RND3: variants seen among roughly 807,000 people sequenced by gnomAD.
RND3 encodes Rho family GTPase 3, also known as rho-related GTP-binding protein RhoE.
RND3 carries 8 observed loss-of-function variants against 26.5 expected under a neutral mutation model. The ratio of observed to expected loss-of-function variants is 0.30; its 90% CI spans 0.18 to 0.54. RND3 has a LOEUF of 0.54. RND3 is among the 20% of genes least tolerant of loss of function. The probability of loss-of-function intolerance (pLI) is 0.94; values close to 1 mark genes in which losing one functional copy is unlikely to be tolerated. For missense variants in RND3, 207 were observed against 302.8 expected (o/e 0.68, Z 2.35); for synonymous variants, 113 against 113.0 (o/e 1.00, Z 0.00).
chr2:150,482,710 G>A (rs1686294960), intron 3 of RND3, among the ~76,000 whole-genome samples: 1 of 131,268 alleles, frequency 7.6e-6, no homozygotes, highest in Non-Finnish European at 1.6e-5. Flanking sequence ...TTTAACTGGT[G>A]TGTGCAATGG....
chr2:150,482,509 T>C (rs1218000785), intron 3 of RND3, among the ~76,000 whole-genome samples: 1 of 152,204 alleles, frequency 6.6e-6, no homozygotes, highest in Non-Finnish European at 1.5e-5. Flanking sequence ...GGAGCATTTC[T>C]GCAACTATTA....
In RND3 at chr2:150,469,712, C is replaced by T. The variant is rs1290739112; in HGVS notation, c.*275G>A. 4 of 383,578 alleles carry T rather than the reference C, an allele frequency of 1.0e-5. No individual in the cohort carries two copies. In the East Asian group the frequency reaches 1.3e-4, roughly 12 times the overall value. 23.8% of individuals were successfully genotyped at this position (383,578 alleles called of 1,614,324 possible). ...TTTTTCTTCTTGGAGGTACTCGCAT[C>T]CCCCCTCATCTTCCTCTAGCTCATT... On this transcript the variant is annotated 3_prime_UTR_variant, in exon 6 of 6. Transcript: ENST00000263895.
intron 3 of RND3, among the ~76,000 whole-genome samples, chr2:150,480,246 GA>G (rs1287219895): frequency 3.9e-5 from 6 of 152,154 alleles, no homozygotes; most frequent in Non-Finnish European, 2.9e-5. Context: ...AGAATCCCAT[GA>G]GTGAATTCAT....
chr2:150,471,585 C>T (rs1476525282), intron 5 of RND3, 42 bp downstream of exon 5: 2 of 1,522,564 alleles, frequency 1.3e-6, no homozygotes, highest in East Asian at 2.3e-5. Context: ...ATTTCTTTCA[C>T]TCTTTCTAAA....
At chr2:150,471,260 C>A (rs555146942) in intron 5 of RND3, among the ~76,000 whole-genome samples, 1 of 152,282 alleles carries the variant, frequency 6.6e-6, no homozygotes, top group African/African-American at 2.4e-5. Context: ...GAAATGAAGA[C>A]TCTCTGAAAG....
chr2:150,472,046 G>C, intron 4 of RND3: 1 of 328,780 alleles, frequency 3.0e-6, no homozygotes, highest in Admixed American at 4.6e-5. Flanking sequence ...TTGTCCAAAG[G>C]TAGCTTCAAT....
intron 3 of RND3, among the ~76,000 whole-genome samples, chr2:150,480,945 C>CT (rs1686259595): frequency 2.0e-5 from 3 of 152,276 alleles, no homozygotes; most frequent in Non-Finnish European, 4.4e-5. Context: ...TGCTTGGTTT[C>CT]CTGCAATTTC....
chr2:150,473,426 C>A (rs533881758), intron 4 of RND3, among the ~76,000 whole-genome samples: 1 of 152,252 alleles, frequency 6.6e-6, no homozygotes, highest in African/African-American at 2.4e-5. Context: ...AAATAAGCAA[C>A]CCCTTTTATC....
intron 3 of RND3, among the ~76,000 whole-genome samples, chr2:150,477,960 T>G (rs904896453): frequency 6.6e-6 from 1 of 152,154 alleles, no homozygotes. Context: ...GTAAAACTGA[T>G]TCCCATATTT....
chr2:150,478,870 G>A (rs1000267152), intron 3 of RND3, among the ~76,000 whole-genome samples: 1 of 152,124 alleles, frequency 6.6e-6, no homozygotes, highest in African/African-American at 2.4e-5. Context: ...CATGCATATG[G>A]AAATTCTCAG....
chr2:150,478,982 G>GC (rs1686227459), intron 3 of RND3, among the ~76,000 whole-genome samples: 1 of 152,054 alleles, frequency 6.6e-6, no homozygotes, highest in Non-Finnish European at 1.5e-5. Flanking sequence ...AAAACTTAGG[G>GC]AAACTCTATA....
chr2:150,469,056 C>T lies in RND3; in HGVS notation c.*931G>A, dbSNP rs2105214576. 1 of 152,690 alleles carries T rather than the reference C, an allele frequency of 6.5e-6. No homozygotes were observed. The highest frequency in any genetic ancestry group is 1.5e-5 in the Non-Finnish European group (1 of 68,010). The allele number at this position is 152,690 out of a possible 1,614,324, so 9.5% of individuals were successfully genotyped here. On this transcript the variant is annotated 3_prime_UTR_variant, in exon 6 of 6. Transcript: ENST00000263895. ...CTTTACTCACAAACTGTGCTTTCTG[C>T]TACTATTCTTTCCTTCACTCATTAC...
At chr2:150,471,825 C>T in intron 4 of RND3, 64 bp from the exon 5 acceptor site, 2 of 1,320,028 alleles carry the variant, frequency 1.5e-6, no homozygotes, top group Non-Finnish European at 2.1e-6. Context: ...TCATGAAAAC[C>T]ATTTCTCCAC....
At position 150,482,640 on chromosome 2, in the gene RND3, T is replaced by TG. The variant is rs60542035; in HGVS notation, c.238+4053dup. Among the ~76,000 whole-genome samples the TG allele has an allele frequency of 8.9e-3, 1,236 of 138,174 alleles. 16 individuals carry two copies. The highest frequency in any genetic ancestry group is 0.029 in the African/African-American group (1,079 of 37,344). The allele number at this position is 138,174 out of a possible 152,430, so 90.6% of individuals were successfully genotyped here. A position where few individuals can be genotyped will look rare whatever the true frequency, so the allele number is the denominator to read the frequency against. ...TTACAAAGGTTTTGTTTACTTTTGT[T>TG]GGGGGGGCTGGAGTACTGTAGCCCT... On this transcript the variant is annotated intron_variant, in intron 3 of 5. Coordinates refer to ENST00000263895, the MANE Select transcript of RND3 (RefSeq NM_005168.5).
chr2:150,481,224 T>G (rs953278), intron 3 of RND3, among the ~76,000 whole-genome samples: 49,098 of 152,018 alleles, frequency 0.32, 8,532 homozygotes, highest in East Asian at 0.62. Context: ...GGGCTGCCCT[T>G]GTGGCCTTCA....
intron 3 of RND3, among the ~76,000 whole-genome samples, chr2:150,483,510 G>A (rs1686310884): frequency 1.3e-5 from 2 of 152,028 alleles, no homozygotes; most frequent in African/African-American, 4.8e-5. Flanking sequence ...TTATATTGAT[G>A]GCCTTTGGAA....
intron 3 of RND3, among the ~76,000 whole-genome samples, chr2:150,484,144 C>T (rs1336090132): frequency 2.6e-5 from 4 of 152,186 alleles, no homozygotes; most frequent in Non-Finnish European, 4.4e-5. Flanking sequence ...ATCTCCTTGG[C>T]AACTATGCAT....
chr2:150,472,586 A>G (rs1283610211), intron 4 of RND3, among the ~76,000 whole-genome samples: 1 of 152,188 alleles, frequency 6.6e-6, no homozygotes, highest in Non-Finnish European at 1.5e-5. Flanking sequence ...GAGCTCTGCA[A>G]CAGCATGGGA....
intron 3 of RND3, among the ~76,000 whole-genome samples, chr2:150,482,027 A>G (rs1686282274): frequency 6.6e-6 from 1 of 152,202 alleles, no homozygotes; most frequent in Admixed American, 6.5e-5. Context: ...AAGTGTTAGT[A>G]ATGCTAAAAA....
Sources: allele counts gnomAD v4.1 joint callset (sites outside exome capture counted in the v4.1 genomes callset), GRCh38; gene constraint gnomAD v4.1.1; transcripts MANE v1.5; gene names NCBI Gene and HGNC (gene_info 2026-07-23, HGNC 2026-07-21).